Variants in SGMS1 observed in about 807,000 individuals in gnomAD.
The protein encoded by SGMS1 is phosphatidylcholine:ceramide cholinephosphotransferase 1.
SGMS1 carries 13 observed loss-of-function variants against 46.2 expected under a neutral mutation model. The ratio of observed to expected loss-of-function variants is 0.28; its 90% CI spans 0.18 to 0.45. The LOEUF (loss-of-function observed/expected upper bound fraction) is 0.45, where lower values mean the gene tolerates loss of function less well. Ranked by LOEUF, SGMS1 falls within the 20% of genes least tolerant of loss-of-function variation. The probability of loss-of-function intolerance (pLI) is 1.00; values close to 1 mark genes in which losing one functional copy is unlikely to be tolerated. For missense variants in SGMS1, 324 were observed against 519.9 expected (o/e 0.62, Z 3.66); for synonymous variants, 203 against 187.8 (o/e 1.08, Z -0.66).
chr10:50,435,230 G>T (rs1237960157), intron 5 of SGMS1, among the ~76,000 whole-genome samples: 1 of 152,148 alleles, frequency 6.6e-6, no homozygotes, highest in Non-Finnish European at 1.5e-5. Context: ...CAGTTTCCAA[G>T]TCTGTAAAAT....
intron 8 of SGMS1, among the ~76,000 whole-genome samples, chr10:50,324,473 T>A (rs1847498525): frequency 6.6e-6 from 1 of 152,168 alleles, no homozygotes. Context: ...GCCCTAGGTA[T>A]GATTCTAAAG....
rs538486903 is a variant in SGMS1, at chr10:50,409,745, G to A, written c.-232+23731C>T. 2.5e-4 allele frequency among the ~76,000 whole-genome samples: 38 copies of A among 151,894 alleles called. No individual in the cohort carries two copies. The South Asian group carries it at 7.7e-3, about 31-fold the overall frequency. ...CAACGGGAATATAAGACTATAAAGA[G>A]GACAATTATATAGGAACAGATAACT... On this transcript the variant is annotated intron_variant, in intron 6 of 10. Coordinates refer to ENST00000361781, the MANE Select transcript of SGMS1 (RefSeq NM_147156.4).
At chr10:50,386,687 C>T (rs920812384) in intron 6 of SGMS1, among the ~76,000 whole-genome samples, 3 of 152,050 alleles carry the variant, frequency 2.0e-5, no homozygotes, top group African/African-American at 7.2e-5. Context: ...TTTCAGAGGC[C>T]CAAATTGCCT....
At chr10:50,465,911 A>G (rs745989210) in intron 4 of SGMS1, among the ~76,000 whole-genome samples, 11 of 151,902 alleles carry the variant, frequency 7.2e-5, no homozygotes, top group Non-Finnish European at 1.3e-4. Flanking sequence ...ATCTCAACTT[A>G]TATCACAGAG....
chr10:50,584,546 A>G (rs1228532126), intron 2 of SGMS1, among the ~76,000 whole-genome samples: 3 of 151,632 alleles, frequency 2.0e-5, no homozygotes, highest in Non-Finnish European at 2.9e-5. Context: ...AACTTTATTA[A>G]TTTTGGCAAC....
intron 1 of SGMS1, among the ~76,000 whole-genome samples, chr10:50,612,422 G>A (rs192732842): frequency 1.5e-3 from 227 of 152,312 alleles, no homozygotes; most frequent in Non-Finnish European, 2.5e-3. Context: ...TAGGACTGGG[G>A]AAGGTAGTGC....
intron 6 of SGMS1, among the ~76,000 whole-genome samples, chr10:50,368,892 T>C (rs1432535021): frequency 6.6e-6 from 1 of 152,274 alleles, no homozygotes; most frequent in Non-Finnish European, 1.5e-5. Context: ...ACTTTACTCT[T>C]AGAAAGCCTT....
chr10:50,400,389 ATCCT>A (rs1462861277), intron 6 of SGMS1, among the ~76,000 whole-genome samples: 1 of 107,394 alleles, frequency 9.3e-6, no homozygotes, highest in African/African-American at 3.9e-5. Flanking sequence ...TATAGAACAC[ATCCT>A]GGCATATATA....
chr10:50,509,644 A>C (rs1837737273), intron 3 of SGMS1, among the ~76,000 whole-genome samples: 1 of 152,190 alleles, frequency 6.6e-6, no homozygotes, highest in South Asian at 2.1e-4. Flanking sequence ...TTTTGTTTTA[A>C]CCTTCCAGCA....
intron 2 of SGMS1, 96 bp from the exon 3 acceptor site, chr10:50,520,017 T>G (rs1315285200): frequency 6.6e-6 from 1 of 152,152 alleles, no homozygotes; most frequent in Non-Finnish European, 1.5e-5. Flanking sequence ...TCAAATCAAT[T>G]AAAAACTTGA....
At chr10:50,586,734 T>C (rs1162659341) in intron 2 of SGMS1, among the ~76,000 whole-genome samples, 1 of 152,218 alleles carries the variant, frequency 6.6e-6, no homozygotes, top group Non-Finnish European at 1.5e-5. Context: ...CTCCCAAGTG[T>C]GTCTCAATCT....
chr10:50,406,399 T>C (rs1018913766), intron 6 of SGMS1, among the ~76,000 whole-genome samples: 8 of 152,140 alleles, frequency 5.3e-5, no homozygotes, highest in Non-Finnish European at 8.8e-5. Context: ...CGCCCATGAA[T>C]AGCTTTCCCT....
At chr10:50,350,476 G>A (rs1847989749) in intron 6 of SGMS1, among the ~76,000 whole-genome samples, 1 of 152,168 alleles carries the variant, frequency 6.6e-6, no homozygotes, top group Non-Finnish European at 1.5e-5. Flanking sequence ...GGACAATGGG[G>A]GAAATGTCTC....
chr10:50,318,662 G>A (rs1485972435), intron 8 of SGMS1, among the ~76,000 whole-genome samples: 2 of 152,142 alleles, frequency 1.3e-5, no homozygotes, highest in African/African-American at 4.8e-5. Context: ...CTCCTGGAAA[G>A]ATGTGGTTTT....
intron 6 of SGMS1, among the ~76,000 whole-genome samples, chr10:50,359,807 A>G (rs1422757687): frequency 6.6e-6 from 1 of 152,208 alleles, no homozygotes; most frequent in African/African-American, 2.4e-5. Flanking sequence ...ATAGTAATAC[A>G]TATTTATAGC....
intron 3 of SGMS1, among the ~76,000 whole-genome samples, chr10:50,490,224 T>C (rs1337237325): frequency 3.3e-5 from 5 of 152,226 alleles, no homozygotes; most frequent in Non-Finnish European, 7.3e-5. Flanking sequence ...TGTATTAAAA[T>C]GATTTGCATT....
chr10:50,328,329 T>G (rs1847561881), intron 7 of SGMS1, among the ~76,000 whole-genome samples: 1 of 152,012 alleles, frequency 6.6e-6, no homozygotes, highest in Non-Finnish European at 1.5e-5. Context: ...TTGTGAGGAG[T>G]TCAGATTTTC....
At chr10:50,339,603 C>T (rs552750651) in intron 7 of SGMS1, among the ~76,000 whole-genome samples, 35 of 152,320 alleles carry the variant, frequency 2.3e-4, no homozygotes, top group Non-Finnish European at 4.6e-4. Context: ...GGATCCTTTA[C>T]TCAGTGGAGC....
chr10:50,391,493 G>C (rs1848766259), intron 6 of SGMS1, among the ~76,000 whole-genome samples: 1 of 152,136 alleles, frequency 6.6e-6, no homozygotes, highest in Non-Finnish European at 1.5e-5. Context: ...AGTCAGAATG[G>C]CTATTATTAA....
Sources: gnomAD v4.1 joint callset for allele counts (sites outside exome capture counted in the v4.1 genomes callset) on GRCh38, gnomAD v4.1.1 for gene constraint, MANE v1.5 for transcripts, NCBI Gene and HGNC (gene_info 2026-07-23, HGNC 2026-07-21) for gene names.